The following GPHN variants were observed in gnomAD, a reference collection of about 807,000 sequenced individuals.
The protein encoded by GPHN is gephyrin.
A neutral mutation model predicts 95.5 loss-of-function variants in GPHN; 17 were observed. The observed-to-expected ratio is 0.18, with a 90% CI of 0.12 to 0.27. GPHN has a LOEUF of 0.27. Ranked by LOEUF, GPHN falls within the 10% of genes least tolerant of loss-of-function variation. GPHN has a pLI of 1.00. For synonymous variants in GPHN, 320 were observed against 322.5 expected (o/e 0.99, Z 0.08); for missense variants, 660 against 978.1 (o/e 0.67, Z 4.34).
At chr14:67,691,053 CACA>C in the GPHN span, 1 of 859,394 alleles carries the variant, frequency 1.2e-6, no homozygotes, top group Non-Finnish European at 2.0e-6. Flanking sequence ...GGTTCAATCA[CACA>C]ACAAGAAGCC....
chr14:67,602,449 C>G, the GPHN span, among the ~76,000 whole-genome samples: 1 of 152,102 alleles, frequency 6.6e-6, no homozygotes, highest in African/African-American at 2.4e-5. Flanking sequence ...TTGCATATAT[C>G]ATGTGTTTTA....
intron 12 of GPHN, among the ~76,000 whole-genome samples, chr14:67,092,152 T>A (rs2077175405): frequency 6.6e-6 from 1 of 152,102 alleles, no homozygotes; most frequent in Non-Finnish European, 1.5e-5. Context: ...CTCCTCACTT[T>A]TTTGTCTGTA....
chr14:67,732,805 T>G, the GPHN span, among the ~76,000 whole-genome samples: 1 of 152,186 alleles, frequency 6.6e-6, no homozygotes, highest in Admixed American at 6.5e-5. Context: ...GCTCTTGAAC[T>G]CCTGACCTCA....
At chr14:67,008,543 A>T (rs1305810915) in intron 9 of GPHN, among the ~76,000 whole-genome samples, 1 of 150,916 alleles carries the variant, frequency 6.6e-6, no homozygotes, top group African/African-American at 2.4e-5. Context: ...TTTAAAATTT[A>T]TTTATTTATT....
the GPHN span, among the ~76,000 whole-genome samples, chr14:67,245,799 T>C: frequency 6.6e-6 from 1 of 151,984 alleles, no homozygotes; most frequent in South Asian, 2.1e-4. Flanking sequence ...ATTATTAATT[T>C]TTAAAATTTG....
chr14:66,565,781 A>G (rs2060438171), intron 1 of GPHN, among the ~76,000 whole-genome samples: 1 of 152,174 alleles, frequency 6.6e-6, no homozygotes, highest in Non-Finnish European at 1.5e-5. Context: ...ATATGTGTGA[A>G]CTAACAGATA....
At chr14:67,252,825 C>T in the GPHN span, among the ~76,000 whole-genome samples, 1 of 152,190 alleles carries the variant, frequency 6.6e-6, no homozygotes, top group African/African-American at 2.4e-5. Flanking sequence ...ATATTAGAGA[C>T]TGTTCTGTTC....
chr14:67,631,496 T>C, the GPHN span, among the ~76,000 whole-genome samples: 3 of 147,070 alleles, frequency 2.0e-5, no homozygotes, highest in African/African-American at 7.6e-5. Context: ...AGTACAGTGG[T>C]ACGATCTCAG....
chr14:66,708,397 T>C (rs912923259), intron 2 of GPHN, among the ~76,000 whole-genome samples: 13 of 152,142 alleles, frequency 8.5e-5, no homozygotes, highest in Non-Finnish European at 1.6e-4. Context: ...GAGACAGTTA[T>C]GTATTAGTTA....
the GPHN span, among the ~76,000 whole-genome samples, chr14:67,547,153 A>T: frequency 6.6e-6 from 1 of 152,180 alleles, no homozygotes; most frequent in Admixed American, 6.5e-5. Flanking sequence ...TGATGAGTCA[A>T]GAAAGGGGAA....
chr14:66,708,926 A>T (rs2069352115), intron 2 of GPHN, among the ~76,000 whole-genome samples: 1 of 152,130 alleles, frequency 6.6e-6, no homozygotes, highest in Non-Finnish European at 1.5e-5. Flanking sequence ...AAATTATTAA[A>T]CATGTGAAGA....
chr14:66,957,735 C>T (rs965420919), intron 8 of GPHN, among the ~76,000 whole-genome samples: 2 of 152,002 alleles, frequency 1.3e-5, no homozygotes, highest in African/African-American at 4.8e-5. Flanking sequence ...TGAAGGGGTC[C>T]CCAAGCCCCA....
At chr14:66,589,448 A>G (rs1314626286) in intron 1 of GPHN, among the ~76,000 whole-genome samples, 1 of 152,148 alleles carries the variant, frequency 6.6e-6, no homozygotes, top group Non-Finnish European at 1.5e-5. Context: ...GGTAAATTGG[A>G]TAAAGAGTCA....
rs955778511 is a variant in GPHN at position 66,985,578 on chromosome 14, A to G, written c.963+20253A>G. Reference sequence around the variant, plus strand: ...TGGCCTCCTAAGAGCTACCACAGAGAGTCAATTGATGTTTTTGCATGTATT... The same window carrying G: ...TGGCCTCCTAAGAGCTACCACAGAGGGTCAATTGATGTTTTTGCATGTATT... On this transcript the variant is annotated intron_variant, in intron 9 of 22. Transcript: ENST00000478722. 7 of 695,642 alleles carry G rather than the reference A, an allele frequency of 1.0e-5. No individual in the cohort carries two copies. In the East Asian group the frequency reaches 1.7e-4, roughly 16 times the overall value. 43.1% of individuals were successfully genotyped at this position (695,642 alleles called of 1,614,324 possible).
chr14:67,473,484 T>A, the GPHN span: 1 of 1,614,166 alleles, frequency 6.2e-7, no homozygotes, highest in African/African-American at 1.3e-5. This position sits in a 1 kb window ranked among gnomAD's most constrained non-coding sequence, Gnocchi z 6.5. Flanking sequence ...GGGCTCAGCG[T>A]CCTTGTCGAA....
At chr14:67,362,737 ATTT>A in the GPHN span, among the ~76,000 whole-genome samples, 2 of 152,146 alleles carry the variant, frequency 1.3e-5, no homozygotes, top group South Asian at 4.1e-4. Flanking sequence ...TTGCGGAATG[ATTT>A]TTTTAAGTTA....
At chr14:67,368,212 C>T in the GPHN span, among the ~76,000 whole-genome samples, 6 of 152,182 alleles carry the variant, frequency 3.9e-5, no homozygotes, top group African/African-American at 1.2e-4. Context: ...GCAGCGTAAA[C>T]GGCTTGCAGT....
At chr14:66,697,952 C>T (rs1427825459) in intron 2 of GPHN, among the ~76,000 whole-genome samples, 1 of 152,046 alleles carries the variant, frequency 6.6e-6, no homozygotes, top group Non-Finnish European at 1.5e-5. Context: ...GCCTCAGCCT[C>T]CCAAAGTGCT....
chr14:67,653,126 T>A, the GPHN span, among the ~76,000 whole-genome samples: 1 of 152,232 alleles, frequency 6.6e-6, no homozygotes, highest in African/African-American at 2.4e-5. Context: ...TAGGAAGCTG[T>A]TATTCCCATG....
Sources: gnomAD v4.1 joint callset for allele counts (sites outside exome capture counted in the v4.1 genomes callset) on GRCh38, gnomAD v4.1.1 for gene constraint, Gnocchi (gnomAD v3.1) non-coding constraint, MANE v1.5 for transcripts, NCBI Gene and HGNC (gene_info 2026-07-23, HGNC 2026-07-21) for gene names.